Variants in GIPR observed in about 807,000 individuals in gnomAD.
GIPR encodes the protein gastric inhibitory polypeptide receptor.
A neutral mutation model predicts 62.2 loss-of-function variants in GIPR; 74 were observed. The observed-to-expected ratio is 1.19, with a 90% CI of 0.99 to 1.44. The LOEUF (loss-of-function observed/expected upper bound fraction) is 1.44. Among genes scored for constraint, GIPR ranks in the 40% most tolerant of loss-of-function variants. The pLI, the probability that GIPR is intolerant of heterozygous loss-of-function variation, is 0.00. For missense variants in GIPR, 664 were observed against 611.8 expected, an observed-to-expected ratio of 1.09 and a Z score of -0.90; for synonymous variants, 256 against 262.2, an observed-to-expected ratio of 0.98 and a Z score of 0.23.
At position 45,678,490 on chromosome 19, in the gene GIPR, A is replaced by T; in HGVS notation, c.1152+264A>T. 5.6e-6 allele frequency: 3 copies of T among 531,410 alleles called. No individual in the cohort carries two copies. The South Asian group carries it at 6.1e-5, about 11-fold the overall frequency. 32.9% of individuals were successfully genotyped at this position (531,410 alleles called of 1,614,324 possible). ...GCGATTCTCCTGCCTCAGCCTCTAG[A>T]GTAGCTGGGATTACAGGAATGTGCG... On this transcript the variant is annotated intron_variant, in intron 12 of 13. Transcript: ENST00000590918.
chr19:45,677,988 G>C lies in GIPR; in HGVS notation c.1007G>C (p.Arg336Pro), dbSNP rs561341259. Residue 336 changes from arginine (R) to proline (P), a missense_variant, in exon 11 of 14, where the codon CGG (arginine) becomes CCG (proline). Transcript: ENST00000590918. ...RTRQMRCRDYRLRLARSTLTL... is the reference protein window; with the variant it reads ...RTRQMRCRDYPLRLARSTLTL... ...CGGCAAATGCGCTGCCGGGATTACC[G>C]GCTGAGGTGAGGGCATGCGTTGGGG... is the stretch of plus-strand genomic sequence containing the variant. 362 of 1,613,724 alleles carry C rather than the reference G, an allele frequency of 2.2e-4. 2 individuals carry two copies. The South Asian group carries it at 3.8e-3, about 17-fold the overall frequency.
intron 11 of GIPR, 45 bp downstream of exon 11, chr19:45,678,039 G>A (rs770254978): frequency 8.1e-6 from 13 of 1,611,894 alleles, no homozygotes; most frequent in Non-Finnish European, 1.1e-5. Context: ...CCGGGTGCGA[G>A]ATGGGGAACC....
At position 45,677,034 on chromosome 19, in the gene GIPR, A is replaced by G. The variant is rs746611074; in HGVS notation, c.719A>G (p.Tyr240Cys). Residue 240 changes from tyrosine to cysteine, a missense_variant, in exon 8 of 14, where the codon TAC becomes TGC. Transcript: ENST00000590918. ...ACGTGGCTGCTGGTGGAGGGCGTCT[A>G]CCTGCACAGTCTCCTGGTGCTCGTG... ...NYTWLLVEGV[Y>C]LHSLLVLVGG... 6.2e-7 allele frequency: 1 copy of G among 1,613,908 alleles called. No homozygotes were observed. Among genetic ancestry groups the G allele is most frequent in the Non-Finnish European group, 8.5e-7 (1 of 1,179,872 alleles).
chr19:45,674,034 G>T, intron 5 of GIPR, 40 bp from the exon 6 acceptor site: 3 of 1,210,790 alleles, frequency 2.5e-6, no homozygotes, highest in Non-Finnish European at 3.7e-6. Context: ...CTGGGGCTTC[G>T]AGCCAAGCCT....
Position 45,671,292 on chromosome 19 carries a change from CTGTAACGGGT to C in GIPR, c.181_190del (p.Cys61ProfsTer91). 1 of 1,609,352 alleles carries C rather than the reference CTGTAACGGGT, an allele frequency of 6.2e-7. No individual in the cohort carries two copies. Among genetic ancestry groups the C allele is most frequent in the Non-Finnish European group, 8.5e-7 (1 of 1,177,048 alleles). On this transcript the variant is annotated frameshift_variant, in exon 4 of 14. Coordinates refer to ENST00000590918, the MANE Select transcript of GIPR (RefSeq NM_000164.4). LOFTEE classifies it high-confidence loss of function. ...CCCCGTGCCCACCCCCAGGCCTCGC[CTGTAACGGGT>C]CCTTCGATATGTACGTCTGCTGGGA...
At chr19:45,676,567 G>C (rs1382495871) in intron 7 of GIPR, among the ~76,000 whole-genome samples, 1 of 151,152 alleles carries the variant, frequency 6.6e-6, no homozygotes, top group African/African-American at 2.4e-5. Flanking sequence ...CCGAGTAGCT[G>C]GGATTACAGG....
At chr19:45,677,238 A>G in intron 8 of GIPR, 85 bp from the exon 9 acceptor site, 6 of 1,283,436 alleles carry the variant, frequency 4.7e-6, no homozygotes, top group Non-Finnish European at 6.5e-6. Context: ...CGACAGAGGA[A>G]TTCCGCGGGT....
intron 12 of GIPR, among the ~76,000 whole-genome samples, chr19:45,679,626 G>A (rs1967126973): frequency 6.6e-6 from 1 of 152,096 alleles, no homozygotes; most frequent in East Asian, 1.9e-4. Context: ...TTTTAGAGAT[G>A]AGGTCTCCCT....
intron 6 of GIPR, chr19:45,674,387 C>T (rs781008194): frequency 2.1e-4 from 140 of 656,326 alleles, no homozygotes; most frequent in Middle Eastern, 3.4e-4. Flanking sequence ...GCAGGAGGAT[C>T]GCTTGAGCCC....
At chr19:45,679,297 T>C (rs1020712315) in intron 12 of GIPR, among the ~76,000 whole-genome samples, 17 of 151,990 alleles carry the variant, frequency 1.1e-4, no homozygotes, top group Non-Finnish European at 2.4e-4. Flanking sequence ...CTGACCAATA[T>C]GGTGAAACCC....
chr19:45,670,513 G>C, intron 2 of GIPR, 122 bp from the exon 3 acceptor site: 1 of 651,112 alleles, frequency 1.5e-6, no homozygotes, highest in Non-Finnish European at 2.8e-6. Flanking sequence ...AGCTACCCAA[G>C]ACTCCCGAAC....
chr19:45,670,950 G>A (rs1309412721), intron 3 of GIPR, among the ~76,000 whole-genome samples: 4 of 151,838 alleles, frequency 2.6e-5, no homozygotes, highest in African/African-American at 9.7e-5. Flanking sequence ...CTTGGGCGGG[G>A]CCTGCACAGA....
chr19:45,677,260 C>T, intron 8 of GIPR, 63 bp from the exon 9 acceptor site: 2 of 1,186,018 alleles, frequency 1.7e-6, no homozygotes, highest in Non-Finnish European at 1.2e-6. Flanking sequence ...TTGGGCCTGG[C>T]GGGGCCCGTG....
In GIPR at chr19:45,677,068, C is replaced by A. The variant is rs763376212; in HGVS notation, c.753C>A (p.Ser251=). 1 of 1,613,862 alleles carries A rather than the reference C, an allele frequency of 6.2e-7. No homozygotes were observed. The highest frequency in any genetic ancestry group is 8.5e-7 in the Non-Finnish European group (1 of 1,179,994). Residue 251 remains serine, a synonymous_variant, in exon 8 of 14, where the codon TCC becomes TCA. Transcript: ENST00000590918. ...LHSLLVLVGG[S]EEGHFRYYLL... ...GTCTCCTGGTGCTCGTGGGAGGCTC[C>A]GAGGAGGGCCACTTCCGCTACTACC...
Position 45,671,291 on chromosome 19 carries a change from C to T in GIPR, c.179C>T (p.Ala60Val), listed in dbSNP as rs1183877126. The change falls in exon 4 of 14, where the codon GCC (alanine) becomes GTC (valine). Residue 60 changes from alanine (A) to valine (V), a missense_variant. By Grantham distance (64) the Ala-to-Val change is moderately conservative (BLOSUM62 0). Coordinates refer to ENST00000590918, the MANE Select transcript of GIPR (RefSeq NM_000164.4). ...CCCCCGTGCCCACCCCCAGGCCTCG[C>T]CTGTAACGGGTCCTTCGATATGTAC... is the stretch of plus-strand genomic sequence containing the variant. The part of the protein sequence containing the change: ...LAAAEPPSGL[A>V]CNGSFDMYVC... 1 of 1,608,550 alleles carries T rather than the reference C, an allele frequency of 6.2e-7. No homozygotes were observed. Among genetic ancestry groups the T allele is most frequent in the Non-Finnish European group, 8.5e-7 (1 of 1,176,398 alleles).
chr19:45,670,383 G>C (rs1975471368), intron 2 of GIPR: 1 of 440,344 alleles, frequency 2.3e-6, no homozygotes, highest in Admixed American at 3.7e-5. Flanking sequence ...CCCCCAACAA[G>C]TCCTCCTGAT....
chr19:45,669,514 C>T lies in GIPR; in HGVS notation c.-7C>T, dbSNP rs369512767. 9 of 1,571,438 alleles carry T rather than the reference C, an allele frequency of 5.7e-6. No homozygotes were observed. In the African/African-American group the frequency reaches 1.1e-4, roughly 19 times the overall value. On this transcript the variant is annotated 5_prime_UTR_variant, in exon 2 of 14. Transcript: ENST00000590918. ...CTGCACGAACCAGACCCTTCGCCGC[C>T]CTCACGATGACTACCTCTCCGATCC...
rs1473376665 is a variant in GIPR, at chr19:45,682,484, G to A, written c.*549G>A. On this transcript the variant is annotated 3_prime_UTR_variant, in exon 14 of 14. Coordinates refer to ENST00000590918, the MANE Select transcript of GIPR (RefSeq NM_000164.4). ...TGTCACTCTTACCCAGGTTGGTCTT[G>A]AACTCCTGGGCTCAAGCAATCCTCC... The A allele has an allele frequency of 6.5e-6, 1 of 152,806 alleles. No individual in the cohort carries two copies. The highest frequency in any genetic ancestry group is 1.5e-5 in the Non-Finnish European group (1 of 68,542). The allele number at this position is 152,806 out of a possible 1,614,324, so 9.5% of individuals were successfully genotyped here. A position where few individuals can be genotyped will look rare whatever the true frequency, so the allele number is the denominator to read the frequency against.
intron 4 of GIPR, among the ~76,000 whole-genome samples, chr19:45,672,340 G>C (rs577524348): frequency 6.6e-6 from 1 of 151,806 alleles, no homozygotes; most frequent in Non-Finnish European, 1.5e-5. Context: ...ACAGAGTCTC[G>C]CTTTGTTGCA....
Sources: gnomAD v4.1 joint callset for allele counts (sites outside exome capture counted in the v4.1 genomes callset) on GRCh38, gnomAD v4.1.1 for gene constraint, MANE v1.5 for transcripts, NCBI Gene and HGNC (gene_info 2026-07-23, HGNC 2026-07-21) for gene names.